DDAH1: variants seen among roughly 807,000 people sequenced by gnomAD.
DDAH1 encodes the protein N(G),N(G)-dimethylarginine dimethylaminohydrolase 1.
In DDAH1, 19 loss-of-function variants were observed where a neutral mutation model predicts 28.8. That is an observed-to-expected ratio of 0.66 (90% confidence interval 0.46 to 0.97). The LOEUF (loss-of-function observed/expected upper bound fraction) is 0.97, where lower values mean the gene tolerates loss of function less well. Among genes scored for constraint, DDAH1 ranks in the 50% least tolerant of loss-of-function variants. The pLI, the probability that DDAH1 is intolerant of heterozygous loss-of-function variation, is 0.00. For missense variants in DDAH1, 326 were observed against 375.9 expected (o/e 0.87, Z 1.10); for synonymous variants, 153 against 154.4 (o/e 0.99, Z 0.07).
At chr1:85,471,368 C>T (rs1485805411) in intron 2 of DDAH1, among the ~76,000 whole-genome samples, 1 of 152,226 alleles carries the variant, frequency 6.6e-6, no homozygotes, top group Non-Finnish European at 1.5e-5. Context: ...CCTCTAAAAA[C>T]ATTCCTTTTA....
At chr1:85,443,949 G>A (rs1654320314) in intron 1 of DDAH1, among the ~76,000 whole-genome samples, 1 of 152,194 alleles carries the variant, frequency 6.6e-6, no homozygotes, top group African/African-American at 2.4e-5. Context: ...ATAGAATCAT[G>A]TCATCTGCAA....
At position 85,318,894 on chromosome 1, in the gene DDAH1, A is replaced by G. The variant is rs1354630338; in HGVS notation, c.*2558T>C. The G allele has an allele frequency of 6.6e-6, 1 of 152,244 alleles. No homozygotes were observed. The highest frequency in any genetic ancestry group is 1.5e-5 in the Non-Finnish European group (1 of 68,032). The allele number at this position is 152,244 out of a possible 1,614,324, so 9.4% of individuals were successfully genotyped here. On this transcript the variant is annotated 3_prime_UTR_variant, in exon 6 of 6. Coordinates refer to ENST00000284031, the MANE Select transcript of DDAH1 (RefSeq NM_012137.4). ...TGCCTGATTTCTATAGCAATTCATTATAGCTGAAGAAATAATGCTAAATAA... is the reference window on the plus strand; with the variant it reads ...TGCCTGATTTCTATAGCAATTCATTGTAGCTGAAGAAATAATGCTAAATAA...
chr1:85,370,826 G>T (rs1206817099), intron 1 of DDAH1, among the ~76,000 whole-genome samples: 2 of 152,152 alleles, frequency 1.3e-5, no homozygotes, highest in African/African-American at 2.4e-5. Context: ...CAAGGCTGGA[G>T]AGAAAAAATT....
rs900535385 is a variant in DDAH1 at position 85,320,096 on chromosome 1, A to T, written c.*1356T>A. Reference sequence around the variant, plus strand: ...GCCTGGATCAGTTACCATTCATTGGAAAGTACCGTTTCCCCTGCCTGTTAA... The same window carrying T: ...GCCTGGATCAGTTACCATTCATTGGTAAGTACCGTTTCCCCTGCCTGTTAA... On this transcript the variant is annotated 3_prime_UTR_variant, in exon 6 of 6. Transcript: ENST00000284031. 6.6e-6 allele frequency: 1 copy of T among 152,256 alleles called. No homozygotes were observed. The highest frequency in any genetic ancestry group is 1.5e-5 in the Non-Finnish European group (1 of 68,046). 9.4% of individuals were successfully genotyped at this position (152,256 alleles called of 1,614,324 possible).
intron 1 of DDAH1, among the ~76,000 whole-genome samples, chr1:85,361,699 C>A (rs1393861693): frequency 6.6e-6 from 1 of 152,124 alleles, no homozygotes; most frequent in African/African-American, 2.4e-5. Context: ...GTTATACTTG[C>A]ATTTTTTGCC....
intron 1 of DDAH1, among the ~76,000 whole-genome samples, chr1:85,375,077 A>G (rs1372672733): frequency 7.9e-5 from 2 of 25,356 alleles, no homozygotes; most frequent in African/African-American, 2.6e-4. Flanking sequence ...CTACATCACA[A>G]TTCACAGTGT....
chr1:85,448,466 C>T (rs1046550088), intron 1 of DDAH1, among the ~76,000 whole-genome samples: 1 of 152,084 alleles, frequency 6.6e-6, no homozygotes, highest in African/African-American at 2.4e-5. Flanking sequence ...CCTTGTACCA[C>T]CCCCCTTTGT....
At chr1:85,520,880 T>G (rs1229535416) in intron 1 of DDAH1, among the ~76,000 whole-genome samples, 1 of 152,184 alleles carries the variant, frequency 6.6e-6, no homozygotes, top group Non-Finnish European at 1.5e-5. Context: ...ACCACACTAA[T>G]CAACTTCTTC....
At chr1:85,350,288 G>C (rs1649122681) in intron 4 of DDAH1, 127 bp downstream of exon 4, 3 of 1,258,476 alleles carry the variant, frequency 2.4e-6, no homozygotes, top group Non-Finnish European at 3.3e-6. Context: ...GCACATCACA[G>C]AAGCTCAAAT....
chr1:85,441,401 C>T (rs751887821), intron 1 of DDAH1, among the ~76,000 whole-genome samples: 16 of 151,962 alleles, frequency 1.1e-4, no homozygotes, highest in Admixed American at 2.6e-4. Flanking sequence ...CTTAGCTGGG[C>T]GTGGTGGCAT....
chr1:85,509,364 T>C (rs1255690260), intron 1 of DDAH1, among the ~76,000 whole-genome samples: 2 of 152,084 alleles, frequency 1.3e-5, no homozygotes, highest in African/African-American at 4.8e-5. Flanking sequence ...ACACCAAAGG[T>C]AGATAAAACC....
chr1:85,426,930 A>AC (rs1165035734), intron 1 of DDAH1, among the ~76,000 whole-genome samples: 7 of 114,780 alleles, frequency 6.1e-5, no homozygotes, highest in Non-Finnish European at 1.1e-4. Flanking sequence ...ACAAAAAAAA[A>AC]AAAAAAAAAG....
chr1:85,345,883 G>A (rs1648811816), intron 4 of DDAH1, among the ~76,000 whole-genome samples: 2 of 152,150 alleles, frequency 1.3e-5, no homozygotes, highest in Admixed American at 1.3e-4. Flanking sequence ...CAATGAATGA[G>A]TGGATGAATG....
At chr1:85,328,619 G>C (rs1557464798) in intron 4 of DDAH1, among the ~76,000 whole-genome samples, 2 of 152,318 alleles carry the variant, frequency 1.3e-5, no homozygotes, top group South Asian at 4.1e-4. Flanking sequence ...ATTGGACCTA[G>C]TTTACCCAAG....
At chr1:85,473,567 C>T (rs10157643) in intron 2 of DDAH1, among the ~76,000 whole-genome samples, 68,900 of 151,894 alleles carry the variant, frequency 0.45, 15,791 homozygotes, top group South Asian at 0.55. Flanking sequence ...CATTTTCTTA[C>T]GAAGCACAGA....
intron 1 of DDAH1, among the ~76,000 whole-genome samples, chr1:85,548,018 A>C (rs1658677944): frequency 1.3e-5 from 2 of 152,228 alleles, no homozygotes; most frequent in African/African-American, 2.4e-5. Flanking sequence ...TATAGCTGTT[A>C]TTGCTAAGGA....
chr1:85,343,773 A>G (rs1212702991), intron 4 of DDAH1, among the ~76,000 whole-genome samples: 1 of 152,242 alleles, frequency 6.6e-6, no homozygotes, highest in African/African-American at 2.4e-5. Flanking sequence ...AAAAGCATAT[A>G]AAATCCAAAC....
At chr1:85,377,998 T>C (rs189878038) in intron 1 of DDAH1, among the ~76,000 whole-genome samples, 42 of 152,348 alleles carry the variant, frequency 2.8e-4, no homozygotes, top group African/African-American at 9.1e-4. Context: ...GAATATTTTA[T>C]AAGTGACTTA....
intron 4 of DDAH1, among the ~76,000 whole-genome samples, chr1:85,336,059 C>A (rs1648097983): frequency 6.6e-6 from 1 of 151,958 alleles, no homozygotes; most frequent in South Asian, 2.1e-4. Context: ...GACTCCAATA[C>A]AATAATAGCT....
Sources: gnomAD v4.1 joint callset for allele counts (sites outside exome capture counted in the v4.1 genomes callset) on GRCh38, gnomAD v4.1.1 for gene constraint, MANE v1.5 for transcripts, NCBI Gene and HGNC (gene_info 2026-07-23, HGNC 2026-07-21) for gene names.